BICD1: variants seen among roughly 807,000 people sequenced by gnomAD.
BICD1 encodes protein bicaudal D homolog 1.
Under a neutral mutation model 92.5 loss-of-function variants are expected in BICD1, and 35 were observed. The ratio of observed to expected loss-of-function variants is 0.38; its 90% CI spans 0.29 to 0.50. The LOEUF (loss-of-function observed/expected upper bound fraction) is 0.50, where lower values mean the gene tolerates loss of function less well. Ranked by LOEUF, BICD1 falls within the 20% of genes least tolerant of loss-of-function variation. The pLI is 0.93. For missense variants in BICD1, 950 were observed against 1,189.8 expected, an observed-to-expected ratio of 0.80 and a Z score of 2.97; for synonymous variants, 429 against 465.1, an observed-to-expected ratio of 0.92 and a Z score of 1.00.
At chr12:32,367,457 A>T (rs1939565898) in intron 8 of BICD1, 1 of 469,340 alleles carries the variant, frequency 2.1e-6, no homozygotes, top group East Asian at 3.2e-5. Context: ...ATGCTGTGTC[A>T]CTAATTTTTT....
chr12:32,191,153 A>G (rs1036131483), intron 1 of BICD1, among the ~76,000 whole-genome samples: 3 of 152,168 alleles, frequency 2.0e-5, no homozygotes, highest in Admixed American at 6.5e-5. Context: ...AAACAACCTA[A>G]TTTCACACCC....
At chr12:32,166,970 T>A (rs1943789550) in intron 1 of BICD1, among the ~76,000 whole-genome samples, 1 of 152,206 alleles carries the variant, frequency 6.6e-6, no homozygotes, top group Non-Finnish European at 1.5e-5. Flanking sequence ...AGAAATAAAA[T>A]TGAAAAGATA....
chr12:32,181,973 T>A (rs1396550303), intron 1 of BICD1, among the ~76,000 whole-genome samples: 2 of 152,032 alleles, frequency 1.3e-5, no homozygotes, highest in Non-Finnish European at 2.9e-5. Context: ...GTAATTGCTC[T>A]AAGATGCATT....
At chr12:32,156,810 C>G (rs1943451911) in intron 1 of BICD1, among the ~76,000 whole-genome samples, 1 of 152,222 alleles carries the variant, frequency 6.6e-6, no homozygotes, top group Non-Finnish European at 1.5e-5. Flanking sequence ...ATCCTAGAAG[C>G]AGGCAAAGCT....
At chr12:32,339,404 T>C (rs1220948375) in intron 8 of BICD1, 1 of 987,534 alleles carries the variant, frequency 1.0e-6, no homozygotes, top group Non-Finnish European at 1.2e-6. Flanking sequence ...GATTTCCTTT[T>C]GTGGTGACTC....
chr12:32,186,216 A>G (rs955909413), intron 1 of BICD1, among the ~76,000 whole-genome samples: 11 of 152,200 alleles, frequency 7.2e-5, no homozygotes, highest in African/African-American at 2.7e-4. Context: ...TTATTTAATG[A>G]TGCACATTTA....
At chr12:32,132,133 G>A (rs889052041) in intron 1 of BICD1, among the ~76,000 whole-genome samples, 1 of 151,890 alleles carries the variant, frequency 6.6e-6, no homozygotes, top group Non-Finnish European at 1.5e-5. Flanking sequence ...ATCTTGAGAT[G>A]GGGGCTGGGC....
chr12:32,334,546 A>C lies in BICD1; in HGVS notation c.2131A>C (p.Asn711His). 1 of 1,611,884 alleles carries C rather than the reference A, an allele frequency of 6.2e-7. No individual in the cohort carries two copies. ...TAEVALANLK[N>H]KYENEKAMVT... ...TGAGGTGGCGCTAGCTAATCTCAAG[A>C]ACAAATATGAAAATGAAAAAGCAAT... The change falls in exon 6 of 10, where the codon AAC becomes CAC. Residue 711 changes from asparagine to histidine, a missense_variant. Physicochemically the swap from Asn to His is moderately conservative, Grantham distance 68. Transcript: ENST00000652176.
Position 32,271,697 on chromosome 12 carries a change from T to A in BICD1, c.427-22297T>A, listed in dbSNP as rs148684557. Reference sequence around the variant, plus strand: ...CTCAAACCTCGCTGCTTCAGAGCACTAACCCCATCTTTTTGGAGTCCTCCT... The same window carrying A: ...CTCAAACCTCGCTGCTTCAGAGCACAAACCCCATCTTTTTGGAGTCCTCCT... On this transcript the variant is annotated intron_variant, in intron 2 of 9. Coordinates refer to ENST00000652176, the MANE Select transcript of BICD1 (RefSeq NM_001714.4). 4.5e-3 allele frequency among the ~76,000 whole-genome samples: 692 copies of A among 152,334 alleles called. 4 individuals carry two copies. Among genetic ancestry groups the A allele is most frequent in the African/African-American group, 0.016 (664 of 41,564 alleles).
At chr12:32,315,352 G>C (rs1000832418) in intron 4 of BICD1, among the ~76,000 whole-genome samples, 1 of 152,086 alleles carries the variant, frequency 6.6e-6, no homozygotes, top group Non-Finnish European at 1.5e-5. Context: ...CAATACTATA[G>C]TATCTTGATT....
intron 1 of BICD1, among the ~76,000 whole-genome samples, chr12:32,204,127 T>C (rs994174340): frequency 6.6e-5 from 10 of 152,018 alleles, no homozygotes; most frequent in Admixed American, 6.6e-4. Flanking sequence ...GACAGGTGGA[T>C]TGCTTGAGCC....
At chr12:32,204,004 A>T (rs1475022270) in intron 1 of BICD1, among the ~76,000 whole-genome samples, 1 of 152,178 alleles carries the variant, frequency 6.6e-6, no homozygotes, top group Non-Finnish European at 1.5e-5. Context: ...TAAAGGAAAA[A>T]GGTACTCTGG....
At position 32,327,596 on chromosome 12, in the gene BICD1, C is replaced by T. The variant is rs1409877802; in HGVS notation, c.1141C>T (p.Leu381=). ...LTEHVNAMRG[L]QSSKELKAEL... is the part of the protein sequence containing the mutation. ...AGAGCACGTCAATGCCATGAGGGGC[C>T]TGCAAAGCAGCAAGGAGCTCAAGGC... Residue 381 remains leucine (L), a synonymous_variant, in exon 5 of 10, where the codon CTG becomes TTG. Coordinates refer to ENST00000652176, the MANE Select transcript of BICD1 (RefSeq NM_001714.4). The T allele has an allele frequency of 1.2e-6, 2 of 1,614,058 alleles. No individual in the cohort carries two copies. Among genetic ancestry groups the T allele is most frequent in the South Asian group, 2.2e-5 (2 of 91,058 alleles).
chr12:32,332,647 C>A, intron 5 of BICD1: 2 of 280,698 alleles, frequency 7.1e-6, no homozygotes, highest in Non-Finnish European at 1.1e-5. Flanking sequence ...GTTATGAGAA[C>A]AATGCAGAGG....
chr12:32,266,735 A>T (rs149551380), intron 2 of BICD1, among the ~76,000 whole-genome samples: 1,553 of 152,068 alleles, frequency 0.01, 32 homozygotes, highest in African/African-American at 0.035. Flanking sequence ...GTGCATGCCT[A>T]TAATCCCAGC....
In BICD1 at chr12:32,371,038, C is replaced by T. The variant is rs771770138; in HGVS notation, c.2840+3293C>T. ...ATTTTTTTAACTTTTTTTTTTCCAC[C>T]TTGCTTGTTTTTTGAGAACCAGTTT... On this transcript the variant is annotated intron_variant, in intron 9 of 9. Coordinates refer to ENST00000652176, the MANE Select transcript of BICD1 (RefSeq NM_001714.4). Among the ~76,000 whole-genome samples, 150 of 152,024 alleles carry T rather than the reference C, an allele frequency of 9.9e-4. No homozygotes were observed. The Middle Eastern group carries it at 0.014, about 14-fold the overall frequency.
rs75732068 is a variant in BICD1, at chr12:32,319,098, T to C, written c.1006-8363T>C. Among the ~76,000 whole-genome samples the C allele has an allele frequency of 3.6e-3, 543 of 152,284 alleles. 15 individuals are homozygous for C. The East Asian group carries it at 0.084, about 23-fold the overall frequency. Reference sequence around the variant, plus strand: ...GCACGTCATCTGCAAATAAAGATCATTTTACTTTTTTCTTTCCAATCTCAA... The same window carrying C: ...GCACGTCATCTGCAAATAAAGATCACTTTACTTTTTTCTTTCCAATCTCAA... On this transcript the variant is annotated intron_variant, in intron 4 of 9. Coordinates refer to ENST00000652176, the MANE Select transcript of BICD1 (RefSeq NM_001714.4).
intron 1 of BICD1, among the ~76,000 whole-genome samples, chr12:32,153,132 A>T (rs2121445100): frequency 6.6e-6 from 1 of 152,170 alleles, no homozygotes; most frequent in Non-Finnish European, 1.5e-5. Context: ...TAAGTACCTG[A>T]TGTGTAGCTC....
chr12:32,207,552 T>A (rs1945096155), intron 1 of BICD1, among the ~76,000 whole-genome samples: 1 of 152,216 alleles, frequency 6.6e-6, no homozygotes, highest in Non-Finnish European at 1.5e-5. Context: ...ATGCATGTCT[T>A]TTGTTTTTAT....
Sources: gnomAD v4.1 joint callset for allele counts (sites outside exome capture counted in the v4.1 genomes callset) on GRCh38, gnomAD v4.1.1 for gene constraint, MANE v1.5 for transcripts, NCBI Gene and HGNC (gene_info 2026-07-23, HGNC 2026-07-21) for gene names.